SORCS1: variants seen among roughly 807,000 people sequenced by gnomAD.
SORCS1 encodes sortilin related VPS10 domain containing receptor 1.
Under a neutral mutation model 146.1 loss-of-function variants are expected in SORCS1, and 60 were observed. The observed-to-expected ratio is 0.41, with a 90% confidence interval of 0.33 to 0.51. The LOEUF is 0.51. SORCS1 is among the 20% of genes least tolerant of loss of function. The pLI is 0.21. For missense variants in SORCS1, 1,352 were observed against 1,487.6 expected (o/e 0.91, Z 1.50); for synonymous variants, 637 against 584.0 (o/e 1.09, Z -1.31).
intron 1 of SORCS1, among the ~76,000 whole-genome samples, chr10:107,063,491 G>A (rs1239362092): frequency 6.6e-6 from 1 of 152,142 alleles, no homozygotes; most frequent in African/African-American, 2.4e-5. Context: ...AAGTAACCAT[G>A]TGTACCATAT....
At chr10:106,739,889 T>C (rs921385228) in intron 5 of SORCS1, among the ~76,000 whole-genome samples, 1 of 149,434 alleles carries the variant, frequency 6.7e-6, no homozygotes, top group African/African-American at 2.5e-5. Context: ...AGGCAGAGCT[T>C]GCAATGAGCT....
At chr10:107,152,845 T>A (rs555396223) in intron 1 of SORCS1, among the ~76,000 whole-genome samples, 1 of 152,296 alleles carries the variant, frequency 6.6e-6, no homozygotes, top group Non-Finnish European at 1.5e-5. Context: ...TATTTTCATC[T>A]CTTCCTCTCT....
chr10:107,031,724 C>A (rs1045216473), intron 1 of SORCS1, among the ~76,000 whole-genome samples: 1 of 151,980 alleles, frequency 6.6e-6, no homozygotes, highest in East Asian at 1.9e-4. Context: ...CCTCCCTCCT[C>A]GCCCTGTCAA....
chr10:106,832,798 A>T (rs569025624), intron 2 of SORCS1, among the ~76,000 whole-genome samples: 1 of 152,158 alleles, frequency 6.6e-6, no homozygotes, highest in Non-Finnish European at 1.5e-5. Flanking sequence ...AAAATGGTTC[A>T]ATTTTCCTAG....
intron 3 of SORCS1, among the ~76,000 whole-genome samples, chr10:106,828,808 A>G (rs1405783404): frequency 6.6e-6 from 1 of 152,228 alleles, no homozygotes; most frequent in Non-Finnish European, 1.5e-5. Context: ...TTCCTAAAAA[A>G]TGACATACCT....
At chr10:107,150,765 G>A (rs1217033693) in intron 1 of SORCS1, among the ~76,000 whole-genome samples, 1 of 152,196 alleles carries the variant, frequency 6.6e-6, no homozygotes, top group African/African-American at 2.4e-5. Context: ...AGAACTGATG[G>A]TTTTACAAGG....
intron 1 of SORCS1, among the ~76,000 whole-genome samples, chr10:107,110,552 C>G (rs1300703544): frequency 1.3e-5 from 2 of 152,018 alleles, no homozygotes; most frequent in African/African-American, 2.4e-5. Context: ...TGAGAACTCA[C>G]TCATTATCAC....
intron 1 of SORCS1, among the ~76,000 whole-genome samples, chr10:107,016,865 C>A (rs1957919924): frequency 6.6e-6 from 1 of 152,122 alleles, no homozygotes; most frequent in Non-Finnish European, 1.5e-5. Flanking sequence ...AGGGCGAACA[C>A]AAGAAATTCA....
intron 18 of SORCS1, among the ~76,000 whole-genome samples, chr10:106,643,265 C>G (rs1483240366): frequency 1.3e-5 from 2 of 152,214 alleles, no homozygotes; most frequent in Non-Finnish European, 2.9e-5. Context: ...ATGAAAAGCA[C>G]TCACAAACTG....
At chr10:106,743,406 T>C (rs1000685981) in intron 5 of SORCS1, among the ~76,000 whole-genome samples, 15 of 152,152 alleles carry the variant, frequency 9.9e-5, no homozygotes, top group African/African-American at 3.4e-4. Flanking sequence ...GACTGCTTTA[T>C]TATTATCATT....
intron 2 of SORCS1, among the ~76,000 whole-genome samples, chr10:106,944,134 C>T (rs1436087109): frequency 6.6e-6 from 1 of 152,252 alleles, no homozygotes; most frequent in East Asian, 1.9e-4. Context: ...TCATGGTCAC[C>T]AGTTTTGTTC....
intron 1 of SORCS1, among the ~76,000 whole-genome samples, chr10:107,155,898 A>T (rs965959303): frequency 1.1e-4 from 16 of 152,182 alleles, no homozygotes; most frequent in African/African-American, 3.9e-4. Context: ...CGTTGTGCAC[A>T]CTGTCACTGT....
intron 1 of SORCS1, among the ~76,000 whole-genome samples, chr10:107,037,817 T>C (rs746194469): frequency 2.6e-5 from 4 of 152,154 alleles, no homozygotes; most frequent in Non-Finnish European, 5.9e-5. Flanking sequence ...GAGGTCACTT[T>C]ATTGATTTTT....
intron 2 of SORCS1, among the ~76,000 whole-genome samples, chr10:106,885,936 C>T (rs780524374): frequency 5.3e-5 from 8 of 152,020 alleles, no homozygotes; most frequent in Non-Finnish European, 1.2e-4. Flanking sequence ...ATTGTGAGGC[C>T]CCTCTAGCCA....
At chr10:107,030,727 T>C (rs997846348) in intron 1 of SORCS1, among the ~76,000 whole-genome samples, 7 of 152,238 alleles carry the variant, frequency 4.6e-5, no homozygotes, top group African/African-American at 1.7e-4. Context: ...AGGCCTCATT[T>C]TTACATTATG....
intron 2 of SORCS1, among the ~76,000 whole-genome samples, chr10:106,905,710 CTG>C (rs959024584): frequency 6.6e-6 from 1 of 152,208 alleles, no homozygotes; most frequent in Non-Finnish European, 1.5e-5. Flanking sequence ...ATCTCCACTT[CTG>C]TGAGTCTCAC....
intron 1 of SORCS1, among the ~76,000 whole-genome samples, chr10:106,974,276 T>C (rs1021607831): frequency 2.0e-5 from 3 of 152,140 alleles, no homozygotes; most frequent in Admixed American, 6.5e-5. Context: ...ATAAGTATTA[T>C]GATAGAAGTG....
chr10:106,914,983 C>A (rs568422356), intron 2 of SORCS1, among the ~76,000 whole-genome samples: 5 of 152,126 alleles, frequency 3.3e-5, no homozygotes, highest in African/African-American at 9.7e-5. Context: ...GTAACAGACA[C>A]GAGACTGTGA....
intron 1 of SORCS1, among the ~76,000 whole-genome samples, chr10:107,024,430 T>C (rs1958304141): frequency 6.6e-6 from 1 of 152,124 alleles, no homozygotes. Context: ...ATTACCAAGA[T>C]GGCATCAAGA....
Sources: gnomAD v4.1 joint callset for allele counts (sites outside exome capture counted in the v4.1 genomes callset) on GRCh38, gnomAD v4.1.1 for gene constraint, MANE v1.5 for transcripts, NCBI Gene and HGNC (gene_info 2026-07-23, HGNC 2026-07-21) for gene names.